RPTOR: variants seen among roughly 807,000 people sequenced by gnomAD.
The protein encoded by RPTOR is regulatory-associated protein of mTOR.
In RPTOR, 21 loss-of-function variants were observed where a neutral mutation model predicts 169.9. The observed-to-expected ratio is 0.12, with a 90% CI of 0.09 to 0.18. The LOEUF (loss-of-function observed/expected upper bound fraction) is 0.18, where lower values mean the gene tolerates loss of function less well. Ranked by LOEUF, RPTOR falls within the 10% of genes least tolerant of loss-of-function variation. The pLI is 1.00. For synonymous variants in RPTOR, 732 were observed against 753.2 expected (o/e 0.97, Z 0.46); for missense variants, 1,133 against 1,855.9 (o/e 0.61, Z 7.16).
chr17:80,777,483 G>A (rs923501200), intron 6 of RPTOR, among the ~76,000 whole-genome samples: 1 of 151,856 alleles, frequency 6.6e-6, no homozygotes, highest in Non-Finnish European at 1.5e-5. Flanking sequence ...TCACTGTTCC[G>A]CTTTGCATCT....
intron 9 of RPTOR, among the ~76,000 whole-genome samples, chr17:80,824,843 A>T (rs1221976124): frequency 6.6e-6 from 1 of 152,266 alleles, no homozygotes; most frequent in Non-Finnish European, 1.5e-5. Flanking sequence ...GTGACATCAC[A>T]TTGGAGTCCG....
intron 11 of RPTOR, among the ~76,000 whole-genome samples, 178 bp downstream of exon 11, chr17:80,846,752 C>G (rs941136384): frequency 2.6e-5 from 4 of 152,254 alleles, no homozygotes; most frequent in Non-Finnish European, 4.4e-5. Flanking sequence ...ACGGATCACA[C>G]AGATCCAATC....
At chr17:80,765,921 C>T (rs9900687) in intron 6 of RPTOR, among the ~76,000 whole-genome samples, 123,842 of 152,146 alleles carry the variant, frequency 0.81, 51,868 homozygotes, top group East Asian at 1. Flanking sequence ...CAAAGATTCT[C>T]TCTCGCACTA....
chr17:80,607,145 G>A (rs975171879), intron 1 of RPTOR, among the ~76,000 whole-genome samples: 22 of 152,032 alleles, frequency 1.4e-4, no homozygotes, highest in African/African-American at 5.3e-4. Context: ...CTGTCTCCCA[G>A]ACTGGTCTTG....
chr17:80,700,616 G>GTGATGGTGATGGTAGAGATGGTGA (rs2066082741), intron 3 of RPTOR, among the ~76,000 whole-genome samples: 1 of 149,030 alleles, frequency 6.7e-6, no homozygotes, highest in African/African-American at 2.5e-5. Context: ...GATGGTGATG[G>GTGATGGTGATGGTAGAGATGGTGA]TGGTGGTGGT....
chr17:80,782,073 G>A (rs150204595), intron 6 of RPTOR, among the ~76,000 whole-genome samples: 1 of 152,344 alleles, frequency 6.6e-6, no homozygotes, highest in Non-Finnish European at 1.5e-5. Context: ...CAGCAGCACC[G>A]TTCCCCCAGG....
At position 80,657,891 on chromosome 17, in the gene RPTOR, C is replaced by A. The variant is rs2065692119; in HGVS notation, c.348+14081C>A. ...TTTATTTTTTCTCTTTTCTTGATTT[C>A]TTTTGCATTAAGCAGTTTAAAAAAT... On this transcript the variant is annotated intron_variant, in intron 3 of 33. Transcript: ENST00000306801. 2.0e-5 allele frequency among the ~76,000 whole-genome samples: 3 copies of A among 152,078 alleles called. No homozygotes were observed. The South Asian group carries it at 6.2e-4, about 32-fold the overall frequency.
chr17:80,634,674 C>CTG (rs546430251), intron 2 of RPTOR, among the ~76,000 whole-genome samples: 1,009 of 44,818 alleles, frequency 0.023, 120 homozygotes, highest in Middle Eastern at 0.038. Context: ...TGTGTGCGTA[C>CTG]TGTGTGTGCG....
intron 20 of RPTOR, among the ~76,000 whole-genome samples, chr17:80,906,517 C>T (rs1328636324): frequency 2.0e-5 from 3 of 152,206 alleles, no homozygotes; most frequent in South Asian, 2.1e-4. Context: ...GCTCCCAAGA[C>T]GTTCCCACTG....
chr17:80,862,285 T>G (rs2067925666), intron 13 of RPTOR, among the ~76,000 whole-genome samples: 1 of 152,152 alleles, frequency 6.6e-6, no homozygotes, highest in Admixed American at 6.5e-5. Flanking sequence ...AGGGGCATTT[T>G]GAAGTGTTTC....
rs752965026 is a variant in RPTOR, at chr17:80,707,912, C to T, written c.420C>T (p.Asn140=). 38 of 1,613,930 alleles carry T rather than the reference C, an allele frequency of 2.4e-5. No homozygotes were observed. The highest frequency in any genetic ancestry group is 4.5e-5 in the East Asian group (2 of 44,894). ...VKKLCTSLRR[N]AKEERVLFHY... is the part of the protein sequence containing the mutation. ...AGCTCTGCACGTCCTTACGTCGCAA[C>T]GCCAAGGAGGAGCGAGTCCTCTTTC... Residue 140 remains asparagine (N), a synonymous_variant, in exon 4 of 34, where the codon AAC becomes AAT. Transcript: ENST00000306801. The surrounding 1 kb of genome is among the most constrained non-coding windows in gnomAD (Gnocchi z 5.0).
rs1568015605 is a variant in RPTOR at position 80,964,297 on chromosome 17, C to G, written c.3975C>G (p.Ile1325Met). 1 of 1,606,572 alleles carries G rather than the reference C, an allele frequency of 6.2e-7. No homozygotes were observed. Among genetic ancestry groups the G allele is most frequent in the Admixed American group, 1.7e-5 (1 of 59,968 alleles). Residue 1325 changes from isoleucine to methionine, a missense_variant, in exon 34 of 34, where the codon ATC becomes ATG. Ile to Met is a conservative substitution (Grantham distance 10). Transcript: ENST00000306801. ...HLAVGSNDYY[I>M]SVYSVEKRVR Reference sequence around the variant, plus strand: ...CCGTGGGAAGCAACGACTACTACATCTCCGTGTACTCGGTGGAGAAGCGTG... The same window carrying G: ...CCGTGGGAAGCAACGACTACTACATGTCCGTGTACTCGGTGGAGAAGCGTG...
At chr17:80,871,868 TG>T (rs1474565054) in intron 13 of RPTOR, among the ~76,000 whole-genome samples, 4 of 152,122 alleles carry the variant, frequency 2.6e-5, no homozygotes, top group Non-Finnish European at 5.9e-5. Flanking sequence ...TCCAGCTGAC[TG>T]TCAGTGGATG....
intron 7 of RPTOR, among the ~76,000 whole-genome samples, chr17:80,793,035 G>A (rs1401667120): frequency 1.3e-5 from 2 of 152,040 alleles, no homozygotes; most frequent in African/African-American, 2.4e-5. Flanking sequence ...GGTCTTGAAC[G>A]CCTGGCCTCA....
chr17:80,666,268 G>A (rs1037648861), intron 3 of RPTOR, among the ~76,000 whole-genome samples: 1 of 151,784 alleles, frequency 6.6e-6, no homozygotes, highest in Non-Finnish European at 1.5e-5. Flanking sequence ...AATAAATTAC[G>A]TTTATTATCT....
Position 80,721,057 on chromosome 17 carries a change from G to A in RPTOR, c.508-9503G>A, listed in dbSNP as rs922150311. On this transcript the variant is annotated intron_variant, in intron 4 of 33. Transcript: ENST00000306801. This position sits in a 1 kb window ranked among gnomAD's most constrained non-coding sequence, Gnocchi z 4.7. Reference sequence around the variant, plus strand: ...AGTCCCGGGTAAACACCAAGGCCTCGTGGGAGGCACCTAGGAGGTGAGGAG... The same window carrying A: ...AGTCCCGGGTAAACACCAAGGCCTCATGGGAGGCACCTAGGAGGTGAGGAG... Among the ~76,000 whole-genome samples, 10 of 151,094 alleles carry A rather than the reference G, an allele frequency of 6.6e-5. No individual in the cohort carries two copies. The highest frequency in any genetic ancestry group is 8.8e-5 in the Non-Finnish European group (6 of 68,028).
rs866852078 is a variant in RPTOR, at chr17:80,841,132, G to A, written c.1212+3135G>A. ...CTCTGCACCGCAGCTCACACTCACC[G>A]CACGGCAGCTCACTCTCACCGCACG... On this transcript the variant is annotated intron_variant, in intron 10 of 33. Transcript: ENST00000306801. 1.1e-3 allele frequency among the ~76,000 whole-genome samples: 64 copies of A among 60,828 alleles called. 4 individuals are homozygous for A. Among genetic ancestry groups the A allele is most frequent in the African/African-American group, 5.9e-3 (58 of 9,816 alleles). The allele number at this position is 60,828 out of a possible 152,430, so 39.9% of individuals were successfully genotyped here.
chr17:80,696,706 C>T (rs999253873), intron 3 of RPTOR, among the ~76,000 whole-genome samples: 3 of 152,190 alleles, frequency 2.0e-5, no homozygotes, highest in Non-Finnish European at 4.4e-5. Context: ...GGGATGCCGC[C>T]GAACTCAGCC....
At chr17:80,953,351 C>G (rs2069206895) in intron 28 of RPTOR, among the ~76,000 whole-genome samples, 1 of 152,256 alleles carries the variant, frequency 6.6e-6, no homozygotes, top group Non-Finnish European at 1.5e-5. Flanking sequence ...CTCACTGCAG[C>G]CTCGACCTCT....
Sources: allele counts gnomAD v4.1 joint callset (sites outside exome capture counted in the v4.1 genomes callset), GRCh38; gene constraint gnomAD v4.1.1; non-coding constraint Gnocchi (gnomAD v3.1); transcripts MANE v1.5; gene names NCBI Gene and HGNC (gene_info 2026-07-23, HGNC 2026-07-21).